PCNX3: variants seen among roughly 807,000 people sequenced by gnomAD.
PCNX3 encodes pecanex-like protein 3.
A neutral mutation model predicts 207.2 loss-of-function variants in PCNX3; 58 were observed. The observed-to-expected ratio is 0.28, with a 90% CI of 0.23 to 0.35. PCNX3 has a LOEUF of 0.35. Ranked by LOEUF, PCNX3 falls within the 10% of genes least tolerant of loss-of-function variation. The probability of loss-of-function intolerance (pLI) is 1.00; values close to 1 mark genes in which losing one functional copy is unlikely to be tolerated. For missense variants in PCNX3, 2,410 were observed against 2,774.4 expected (o/e 0.87, Z 2.95); for synonymous variants, 1,337 against 1,183.5 (o/e 1.13, Z -2.66).
intron 11 of PCNX3, 26 bp downstream of exon 11, chr11:65,622,392 C>G: frequency 6.3e-7 from 1 of 1,580,992 alleles, no homozygotes; most frequent in Non-Finnish European, 8.6e-7. Flanking sequence ...CCTTGGCCCC[C>G]AATTCTTGGA....
chr11:65,622,259 G>A lies in PCNX3; in HGVS notation c.2250G>A (p.Met750Ile). The change falls in exon 11 of 35, where the codon ATG (methionine) becomes ATA (isoleucine). Residue 750 changes from methionine (M) to isoleucine (I), a missense_variant. By Grantham distance (10) the Met-to-Ile change is conservative. Coordinates refer to ENST00000355703, the MANE Select transcript of PCNX3 (RefSeq NM_032223.4). ...PLEIPEEQTLMEEAPPRAQHS... is the reference protein window; with the variant it reads ...PLEIPEEQTLIEEAPPRAQHS... The stretch of plus-strand genomic sequence containing the variant: ...ACGAATCCCAGGAGCAGACACTGAT[G>A]GAAGAAGCGCCACCCCGGGCCCAGC... 8 of 1,603,754 alleles carry A rather than the reference G, an allele frequency of 5.0e-6. No individual in the cohort carries two copies. The highest frequency in any genetic ancestry group is 6.8e-6 in the Non-Finnish European group (8 of 1,175,666).
intron 27 of PCNX3, among the ~76,000 whole-genome samples, chr11:65,633,832 C>T (rs548730780): frequency 2.6e-5 from 4 of 152,308 alleles, no homozygotes; most frequent in Middle Eastern, 3.4e-3. Flanking sequence ...CTCATACAAA[C>T]GGGGCATATT....
chr11:65,618,944 C>G lies in PCNX3; in HGVS notation c.1582C>G (p.Gln528Glu). The G allele has an allele frequency of 1.2e-6, 2 of 1,605,698 alleles. No individual in the cohort carries two copies. Among genetic ancestry groups the G allele is most frequent in the Non-Finnish European group, 1.7e-6 (2 of 1,177,626 alleles). The change falls in exon 6 of 35, where the codon CAG (glutamine) becomes GAG (glutamate). Residue 528 changes from glutamine to glutamate, a missense_variant. By Grantham distance (29) the Gln-to-Glu change is conservative. Transcript: ENST00000355703. Reference protein sequence around the residue: ...LAGCKAELEAQVGVEQAASEP... With the variant: ...LAGCKAELEAEVGVEQAASEP... ...TGGCTGCAAGGCAGAGCTGGAGGCC[C>G]AGGTTGGGGTGGAGCAGGCTGCTAG...
At chr11:65,620,515 T>C (rs972333739) in intron 9 of PCNX3, 86 bp downstream of exon 9, 2 of 1,444,818 alleles carry the variant, frequency 1.4e-6, no homozygotes, top group Non-Finnish European at 1.9e-6. Flanking sequence ...TTTGCTCTCT[T>C]CCTGCTGGGC....
Position 65,627,559 on chromosome 11 carries a change from C to G in PCNX3, c.3679C>G (p.Leu1227Val), listed in dbSNP as rs764410030. ...LSQGFLLDYF[L>V]MSLLCSKLWD... ...CCAGGGCTTTCTGCTTGACTACTTC[C>G]TCATGTCCCTGCTTTGCAGCAAGGT... Residue 1227 changes from leucine (L) to valine (V), a missense_variant, in exon 22 of 35, where the codon CTC becomes GTC. This residue lies in a region of PCNX3 where 333 missense variants were observed against 386.8 expected (regional missense o/e 0.86). Transcript: ENST00000355703. The G allele has an allele frequency of 3.7e-6, 6 of 1,613,852 alleles. No individual in the cohort carries two copies. The Admixed American group carries it at 1.0e-4, about 27-fold the overall frequency.
chr11:65,626,334 C>T, intron 20 of PCNX3: 1 of 621,312 alleles, frequency 1.6e-6, no homozygotes, highest in South Asian at 1.5e-5. Flanking sequence ...AACCCCAGGG[C>T]CCTGAAGGGA....
chr11:65,622,509 C>T, intron 11 of PCNX3, 143 bp downstream of exon 11: 1 of 1,098,226 alleles, frequency 9.1e-7, no homozygotes, highest in Non-Finnish European at 1.3e-6. Context: ...CTGGAGTCTG[C>T]AGTGGTGGTT....
rs1399759897 is a variant in PCNX3, at chr11:65,636,846, C to T, written c.5973C>T (p.Ser1991=). 1.9e-6 allele frequency: 3 copies of T among 1,551,056 alleles called. No homozygotes were observed. The highest frequency in any genetic ancestry group is 2.6e-6 in the Non-Finnish European group (3 of 1,147,034). ...CTGAGGCCTCACCCCCCAGAGCTTC[C>T]CAGGACATTCCTTGCTTGGACAGCA... ...VSTEASPPRA[S]QDIPCLDSSA... is the part of the protein sequence containing the mutation. The change falls in exon 35 of 35, where the codon TCC becomes TCT. Residue 1991 remains serine (S), a synonymous_variant. Coordinates refer to ENST00000355703, the MANE Select transcript of PCNX3 (RefSeq NM_032223.4).
rs779995551 is a variant in PCNX3 at position 65,625,388 on chromosome 11, C to T, written c.3030-17C>T. 1.9e-6 allele frequency: 3 copies of T among 1,600,648 alleles called. No individual in the cohort carries two copies. Among genetic ancestry groups the T allele is most frequent in the East Asian group, 2.2e-5 (1 of 44,778 alleles). On this transcript the variant is annotated splice_polypyrimidine_tract_variant and intron_variant, in intron 17 of 34. Coordinates refer to ENST00000355703, the MANE Select transcript of PCNX3 (RefSeq NM_032223.4). The surrounding 1 kb of genome is among the most constrained non-coding windows in gnomAD (Gnocchi z 5.6). ...GGAAGGAGGGGCGGCCTCCTCCTGA[C>T]TCTTCCTCACCCCCAGGTCTCTGAT...
chr11:65,626,108 G>A, intron 20 of PCNX3, 54 bp downstream of exon 20: 1 of 1,548,110 alleles, frequency 6.5e-7, no homozygotes, highest in Non-Finnish European at 8.7e-7. Context: ...GCTGCAGCCT[G>A]GCTGGTGGGA....
rs1382581242 is a variant in PCNX3 at position 65,635,464 on chromosome 11, C to T, written c.5184+16C>T. 5 of 1,608,260 alleles carry T rather than the reference C, an allele frequency of 3.1e-6. No homozygotes were observed. The highest frequency in any genetic ancestry group is 4.2e-6 in the Non-Finnish European group (5 of 1,178,604). ...AGTCATCAAGGTTGGGCCGGCCCCACCTGCCCTAAGCCCTGCCCCAAACCC... is the reference window on the plus strand; with the variant it reads ...AGTCATCAAGGTTGGGCCGGCCCCATCTGCCCTAAGCCCTGCCCCAAACCC... On this transcript the variant is annotated intron_variant, in intron 31 of 34. Transcript: ENST00000355703. This position sits in a 1 kb window ranked among gnomAD's most constrained non-coding sequence, Gnocchi z 9.9.
intron 23 of PCNX3, 34 bp downstream of exon 23, chr11:65,628,737 G>A: frequency 6.2e-7 from 1 of 1,606,658 alleles, no homozygotes; most frequent in Non-Finnish European, 8.5e-7. Flanking sequence ...GGGTGTGCAG[G>A]GAGGGCTGTG....
chr11:65,635,075 C>G lies in PCNX3; in HGVS notation c.4908C>G (p.His1636Gln), dbSNP rs374021817. The change falls in exon 30 of 35, where the codon CAC (histidine) becomes CAG (glutamine). Residue 1636 changes from histidine to glutamine, a missense_variant. Physicochemically the swap from His to Gln is conservative, Grantham distance 24. Around this residue, in one of 8 missense-constraint regions of PCNX3, gnomAD observed 420 missense variants for 705.3 expected, o/e 0.60. Coordinates refer to ENST00000355703, the MANE Select transcript of PCNX3 (RefSeq NM_032223.4). This position sits in a 1 kb window ranked among gnomAD's most constrained non-coding sequence, Gnocchi z 9.9. Reference sequence around the variant, plus strand: ...TCTTTGCCGACATGGACCTGCTTCACCGCGTTGTGGCGCCTGGGGTTCGCA... The same window carrying G: ...TCTTTGCCGACATGGACCTGCTTCAGCGCGTTGTGGCGCCTGGGGTTCGCA... ...EWVFADMDLLHRVVAPGVRMA... is the reference protein window; with the variant it reads ...EWVFADMDLLQRVVAPGVRMA... 1 of 1,613,744 alleles carries G rather than the reference C, an allele frequency of 6.2e-7. No homozygotes were observed. The highest frequency in any genetic ancestry group is 1.3e-5 in the African/African-American group (1 of 74,910).
At position 65,636,094 on chromosome 11, in the gene PCNX3, G is replaced by C. The variant is rs1855820748; in HGVS notation, c.5460-80G>C. 8 of 1,528,404 alleles carry C rather than the reference G, an allele frequency of 5.2e-6. No individual in the cohort carries two copies. The South Asian group carries it at 8.4e-5, about 16-fold the overall frequency. 94.7% of individuals were successfully genotyped at this position (1,528,404 alleles called of 1,614,324 possible). A position where few individuals can be genotyped will look rare whatever the true frequency, so the allele number is the denominator to read the frequency against. On this transcript the variant is annotated intron_variant, in intron 32 of 34. Transcript: ENST00000355703. ...TCAGAGGTGTTAGATGACTTGTCCT[G>C]GGGCTGAGGACTCATGCTTGTGAGG... is the stretch of plus-strand genomic sequence containing the variant.
chr11:65,624,044 G>A, intron 13 of PCNX3, 83 bp downstream of exon 13: 1 of 1,590,388 alleles, frequency 6.3e-7, no homozygotes, highest in Non-Finnish European at 8.5e-7. Flanking sequence ...AGGGTATGGA[G>A]GGCTGGGGCT....
In PCNX3 at chr11:65,618,891, G is replaced by A; in HGVS notation, c.1529G>A (p.Gly510Glu). ...CGTGTGCTGAGCATGGATGGGGCTG[G>A]GGGTGATGTTCTGAGGCCCCCACTG... ...HARVLSMDGA[G>E]GDVLRPPLAG... Residue 510 changes from glycine (G) to glutamate (E), a missense_variant, in exon 6 of 35, where the codon GGG (glycine) becomes GAG (glutamate). Gly to Glu is a moderately conservative substitution (Grantham distance 98). This residue lies in a region of PCNX3 where 1,104 missense variants were observed against 970.3 expected (regional missense o/e 1.14). Coordinates refer to ENST00000355703, the MANE Select transcript of PCNX3 (RefSeq NM_032223.4). 1 of 1,610,104 alleles carries A rather than the reference G, an allele frequency of 6.2e-7. No homozygotes were observed. Among genetic ancestry groups the A allele is most frequent in the Non-Finnish European group, 8.5e-7 (1 of 1,178,950 alleles).
At chr11:65,621,641 C>T (rs1855108281) in intron 10 of PCNX3, among the ~76,000 whole-genome samples, 1 of 152,204 alleles carries the variant, frequency 6.6e-6, no homozygotes, top group South Asian at 2.1e-4. Context: ...CGGCCGCCTC[C>T]AGAGGGAAGG....
chr11:65,624,913 C>T lies in PCNX3; in HGVS notation c.2828-12C>T, dbSNP rs1202209987. 6.2e-7 allele frequency: 1 copy of T among 1,602,948 alleles called. No homozygotes were observed. On this transcript the variant is annotated splice_polypyrimidine_tract_variant and intron_variant, in intron 15 of 34. Transcript: ENST00000355703. ...AAGTGAGAGCTGGGCTGTACTTCTC[C>T]CTTCCACACAGCTGCCACCAGCCCG...
chr11:65,617,159 C>G, intron 2 of PCNX3, 91 bp from the exon 3 acceptor site: 1 of 1,421,610 alleles, frequency 7.0e-7, no homozygotes, highest in South Asian at 1.3e-5. Context: ...TGTAAAGTGA[C>G]TTCTGAAAAA....
Sources: gnomAD v4.1 joint callset for allele counts (sites outside exome capture counted in the v4.1 genomes callset) on GRCh38, gnomAD v4.1.1 for gene constraint, gnomAD v4.1.1 regional missense constraint, Gnocchi (gnomAD v3.1) non-coding constraint, MANE v1.5 for transcripts, NCBI Gene and HGNC (gene_info 2026-07-23, HGNC 2026-07-21) for gene names.